The following ATP6V1D variants were observed in gnomAD, a reference collection of about 807,000 sequenced individuals.
ATP6V1D encodes the protein ATPase H+ transporting V1 subunit D.
In ATP6V1D, 20 loss-of-function variants were observed where a neutral mutation model predicts 39.4. That is an observed-to-expected ratio of 0.51 (90% CI 0.36 to 0.74). ATP6V1D has a LOEUF of 0.74. ATP6V1D is among the 30% of genes least tolerant of loss of function. The pLI is 0.00. For missense variants in ATP6V1D, 228 were observed against 291.6 expected, an observed-to-expected ratio of 0.78 and a Z score of 1.59; for synonymous variants, 100 against 100.5, an observed-to-expected ratio of 0.99 and a Z score of 0.03.
intron 6 of ATP6V1D, 50 bp from the exon 7 acceptor site, chr14:67,343,488 T>C (rs1328939064): frequency 3.1e-6 from 4 of 1,291,944 alleles, no homozygotes; most frequent in Admixed American, 3.4e-5. Context: ...TCCTAATCAT[T>C]CCCTGATCAC....
intron 2 of ATP6V1D, among the ~76,000 whole-genome samples, chr14:67,351,911 CAA>C (rs758907410): frequency 1.6e-5 from 2 of 128,076 alleles, no homozygotes; most frequent in Non-Finnish European, 1.6e-5. Context: ...GAACCTCTAC[CAA>C]AAAAAAAAAG....
rs974265266 is a variant in ATP6V1D at position 67,359,730 on chromosome 14, G to A, written c.-32C>T. 5.0e-6 allele frequency: 8 copies of A among 1,613,536 alleles called. No homozygotes were observed. Among genetic ancestry groups the A allele is most frequent in the Middle Eastern group, 1.7e-4 (1 of 6,032 alleles). On this transcript the variant is annotated 5_prime_UTR_variant, in exon 1 of 9. Coordinates refer to ENST00000216442, the MANE Select transcript of ATP6V1D (RefSeq NM_015994.4). ...GATAACTTTTCGGCTCGGGTCCCCG[G>A]CCGGGCAACCGAGGCTGCAATAGCT...
chr14:67,347,568 C>T (rs1204812695), intron 4 of ATP6V1D, 115 bp from the exon 5 acceptor site: 16 of 831,158 alleles, frequency 1.9e-5, no homozygotes, highest in Non-Finnish European at 2.5e-5. Flanking sequence ...ATGGCGTGAT[C>T]TCGCCTCACC....
intron 7 of ATP6V1D, among the ~76,000 whole-genome samples, chr14:67,342,703 TCTAA>T (rs2085594333): frequency 6.6e-6 from 1 of 150,676 alleles, no homozygotes; most frequent in African/African-American, 2.4e-5. Flanking sequence ...TTAATATATT[TCTAA>T]CAATATAGTT....
chr14:67,338,683 C>CT lies in ATP6V1D; in HGVS notation c.681dup (p.Glu228ArgfsTer7). ...AGAAGATTAGCAGGCTCCAACACCT[C>CT]TCCAGCTGCTCTCCTTTGCTCCAAG... On this transcript the variant is annotated frameshift_variant, in exon 9 of 9. Coordinates refer to ENST00000216442, the MANE Select transcript of ATP6V1D (RefSeq NM_015994.4). LOFTEE classifies it high-confidence loss of function. 1 of 1,614,076 alleles carries CT rather than the reference C, an allele frequency of 6.2e-7. No homozygotes were observed. Among genetic ancestry groups the CT allele is most frequent in the Non-Finnish European group, 8.5e-7 (1 of 1,179,908 alleles).
chr14:67,342,290 T>A (rs1391664250), intron 7 of ATP6V1D, among the ~76,000 whole-genome samples: 2 of 151,744 alleles, frequency 1.3e-5, no homozygotes, highest in Non-Finnish European at 2.9e-5. Flanking sequence ...GTAACTACTG[T>A]AAACATGGTG....
intron 2 of ATP6V1D, among the ~76,000 whole-genome samples, chr14:67,351,682 T>C (rs1415831875): frequency 6.6e-6 from 1 of 151,886 alleles, no homozygotes; most frequent in Non-Finnish European, 1.5e-5. Context: ...CTAATTTTCT[T>C]CTTCTTCTTC....
At chr14:67,356,757 G>C (rs923273021) in intron 1 of ATP6V1D, among the ~76,000 whole-genome samples, 8 of 152,172 alleles carry the variant, frequency 5.3e-5, no homozygotes. Context: ...ATCACTGGCT[G>C]ACTCTGCACT....
intron 1 of ATP6V1D, among the ~76,000 whole-genome samples, chr14:67,355,870 C>T (rs1214134438): frequency 6.6e-6 from 1 of 151,598 alleles, no homozygotes; most frequent in African/African-American, 2.4e-5. Context: ...CATGGTAGGG[C>T]ACACCGGTAA....
chr14:67,344,240 T>G (rs2085605093), intron 6 of ATP6V1D, among the ~76,000 whole-genome samples: 1 of 152,218 alleles, frequency 6.6e-6, no homozygotes, highest in Admixed American at 6.5e-5. Flanking sequence ...GAGTCCTCCC[T>G]TCTCCTAAAC....
chr14:67,358,989 CAT>C (rs1429183475), intron 1 of ATP6V1D, among the ~76,000 whole-genome samples: 1 of 152,188 alleles, frequency 6.6e-6, no homozygotes, highest in Non-Finnish European at 1.5e-5. Context: ...GAGAAAGACA[CAT>C]AAACAAATAT....
At chr14:67,357,902 G>A (rs2085696308) in intron 1 of ATP6V1D, among the ~76,000 whole-genome samples, 1 of 152,196 alleles carries the variant, frequency 6.6e-6, no homozygotes, top group Non-Finnish European at 1.5e-5. Flanking sequence ...TGATGATTAC[G>A]TTTCAAAGAA....
intron 7 of ATP6V1D, among the ~76,000 whole-genome samples, chr14:67,341,834 G>A (rs2085586968): frequency 6.6e-6 from 1 of 152,210 alleles, no homozygotes; most frequent in Non-Finnish European, 1.5e-5. Flanking sequence ...ATTTTGTTCT[G>A]TACTAAGAAA....
intron 4 of ATP6V1D, 46 bp from the exon 5 acceptor site, chr14:67,347,499 TCTC>T (rs761278259): frequency 1.0e-5 from 13 of 1,300,544 alleles, no homozygotes; most frequent in African/African-American, 2.3e-5. Context: ...CTTTAAGTTC[TCTC>T]TTTTTTTTTT....
chr14:67,340,327 A>G, intron 8 of ATP6V1D, 113 bp downstream of exon 8: 1 of 858,532 alleles, frequency 1.2e-6, no homozygotes, highest in South Asian at 1.7e-5. Context: ...TTATCAGAAT[A>G]AAACATAAGC....
chr14:67,343,336 C>T (rs755896871), intron 7 of ATP6V1D, 36 bp downstream of exon 7: 1 of 1,534,404 alleles, frequency 6.5e-7, no homozygotes, highest in South Asian at 1.2e-5. Context: ...AGGGTATGGA[C>T]AAGTGACAAA....
Position 67,346,388 on chromosome 14 carries a change from T to G in ATP6V1D, c.353-517A>C, listed in dbSNP as rs529409117. Among the ~76,000 whole-genome samples, 4 of 152,394 alleles carry G rather than the reference T, an allele frequency of 2.6e-5. No individual in the cohort carries two copies. The East Asian group carries it at 7.7e-4, about 29-fold the overall frequency. ...GTGCAGTGGTGCGATCTCAGCTCAC[T>G]GTAAGCTCCACTTCTCAGGCTCAAG... On this transcript the variant is annotated intron_variant, in intron 5 of 8. Transcript: ENST00000216442.
chr14:67,339,185 C>T (rs539824290), intron 8 of ATP6V1D, among the ~76,000 whole-genome samples: 7 of 151,962 alleles, frequency 4.6e-5, no homozygotes, highest in South Asian at 2.1e-4. Flanking sequence ...TTAGTAGAGA[C>T]GGAGGGTTTC....
In ATP6V1D at chr14:67,352,985, G is replaced by C. The variant is rs1425415596; in HGVS notation, c.97C>G (p.Leu33Val). Reference protein sequence around the residue: ...LKGAQTGRNLLKKKSDALTLR... With the variant: ...LKGAQTGRNLVKKKSDALTLR... The stretch of plus-strand genomic sequence containing the variant: ...GTTAAGGCATCAGATTTTTTCTTCA[G>C]GAGGTTTCGACCTGTCTGTGCTCCC... The change falls in exon 2 of 9, where the codon CTG becomes GTG. Residue 33 changes from leucine to valine, a missense_variant. Around this residue, in one of 3 missense-constraint regions of ATP6V1D, gnomAD observed 104 missense variants for 120.2 expected, o/e 0.87. Coordinates refer to ENST00000216442, the MANE Select transcript of ATP6V1D (RefSeq NM_015994.4). 2 of 1,613,862 alleles carry C rather than the reference G, an allele frequency of 1.2e-6. No homozygotes were observed. Among genetic ancestry groups the C allele is most frequent in the African/African-American group, 1.3e-5 (1 of 74,900 alleles).
Sources: allele counts gnomAD v4.1 joint callset (sites outside exome capture counted in the v4.1 genomes callset), GRCh38; gene constraint gnomAD v4.1.1; regional missense constraint gnomAD v4.1.1; transcripts MANE v1.5; gene names NCBI Gene and HGNC (gene_info 2026-07-23, HGNC 2026-07-21).